Variants in VWA8 observed in about 807,000 individuals in gnomAD.
VWA8 encodes the protein von Willebrand factor A domain-containing protein 8.
A neutral mutation model predicts 241.5 loss-of-function variants in VWA8; 221 were observed. The observed-to-expected ratio is 0.91, with a 90% CI of 0.82 to 1.02. VWA8 has a LOEUF of 1.02. Ranked by LOEUF, VWA8 falls within the 50% of genes least tolerant of loss-of-function variation. The probability of loss-of-function intolerance (pLI) is 0.00; values close to 1 mark genes in which losing one functional copy is unlikely to be tolerated. For synonymous variants in VWA8, 852 were observed against 827.1 expected (o/e 1.03, Z -0.52); for missense variants, 2,322 against 2,328.7 (o/e 1.00, Z 0.06).
chr13:41,668,239 C>T (rs186217913), intron 37 of VWA8, among the ~76,000 whole-genome samples: 14 of 152,206 alleles, frequency 9.2e-5, no homozygotes, highest in East Asian at 1.9e-4. Context: ...GACCTAAAGG[C>T]GCCTATCTTG....
intron 37 of VWA8, among the ~76,000 whole-genome samples, chr13:41,649,371 G>C (rs540469027): frequency 1.3e-5 from 2 of 151,832 alleles, no homozygotes; most frequent in African/African-American, 4.8e-5. Context: ...TTTAATAATT[G>C]TAAAATGAAC....
chr13:41,730,888 T>A (rs1005543095), intron 22 of VWA8, among the ~76,000 whole-genome samples: 18 of 151,560 alleles, frequency 1.2e-4, no homozygotes, highest in Non-Finnish European at 2.1e-4. Flanking sequence ...AAGAAATTTC[T>A]TTTTTAAGAT....
chr13:41,628,754 G>GTAC (rs1421191480), intron 37 of VWA8, among the ~76,000 whole-genome samples: 4 of 152,094 alleles, frequency 2.6e-5, no homozygotes, highest in South Asian at 2.1e-4. Context: ...TAAAAAAGGG[G>GTAC]ACAACAGGCC....
chr13:41,600,205 C>T (rs73181185), intron 40 of VWA8, among the ~76,000 whole-genome samples: 17,810 of 152,098 alleles, frequency 0.12, 1,386 homozygotes, highest in South Asian at 0.24. Context: ...ATTAATTTCT[C>T]CTGACGTGGG....
intron 37 of VWA8, 57 bp from the exon 38 acceptor site, chr13:41,615,141 A>T: frequency 6.4e-7 from 1 of 1,562,656 alleles, no homozygotes; most frequent in Non-Finnish European, 8.8e-7. Flanking sequence ...CAGGGACTGC[A>T]TGACAGAAAA....
At chr13:41,736,669 C>A (rs1034941066) in intron 21 of VWA8, among the ~76,000 whole-genome samples, 11 of 151,790 alleles carry the variant, frequency 7.2e-5, no homozygotes, top group African/African-American at 2.7e-4. Context: ...AGAAAGAAGA[C>A]ACATAAGAGT....
intron 2 of VWA8, among the ~76,000 whole-genome samples, chr13:41,924,466 AAAAGAAAAAAG>A (rs1318293528): frequency 1.3e-5 from 2 of 151,862 alleles, no homozygotes; most frequent in Non-Finnish European, 2.9e-5. Context: ...GGAAGAAAGG[AAAAGAAAAAAG>A]AAAGAAAAAG....
intron 10 of VWA8, 29 bp from the exon 11 acceptor site, chr13:41,866,065 T>G (rs1566486618): frequency 1.2e-6 from 2 of 1,606,572 alleles, no homozygotes; most frequent in Non-Finnish European, 8.5e-7. Context: ...CAATATAACA[T>G]GGCCAGATGT....
intron 12 of VWA8, among the ~76,000 whole-genome samples, chr13:41,856,921 A>G (rs1232781930): frequency 2.6e-5 from 4 of 151,458 alleles, no homozygotes; most frequent in Admixed American, 2.0e-4. Context: ...TGTCTAAATC[A>G]TATATTTGTT....
At chr13:41,803,239 A>C (rs1186110949) in intron 17 of VWA8, among the ~76,000 whole-genome samples, 1 of 152,222 alleles carries the variant, frequency 6.6e-6, no homozygotes, top group Non-Finnish European at 1.5e-5. Context: ...GACTACAATA[A>C]ATACTCAACT....
rs1342573618 is a variant in VWA8, at chr13:41,734,177, A to C, written c.2427-2022T>G. On this transcript the variant is annotated intron_variant, in intron 21 of 44. Transcript: ENST00000379310. ...ACGTGGTGAAACTCCAGCTCTACTA[A>C]AAATACAAAAATTAGCCAGGAGTGG... Among the ~76,000 whole-genome samples, 7 of 152,238 alleles carry C rather than the reference A, an allele frequency of 4.6e-5. No homozygotes were observed. In the East Asian group the frequency reaches 1.4e-3, roughly 29 times the overall value.
Position 41,719,638 on chromosome 13 carries a change from G to A in VWA8, c.3069C>T (p.Tyr1023=), listed in dbSNP as rs757024631. 14 of 1,612,970 alleles carry A rather than the reference G, an allele frequency of 8.7e-6. No individual in the cohort carries two copies. The highest frequency in any genetic ancestry group is 2.2e-5 in the South Asian group (2 of 91,048). Residue 1023 remains tyrosine (Y), a synonymous_variant, in exon 26 of 45, where the codon TAC becomes TAT. Transcript: ENST00000379310. ...TAGGCTTTGCTCCGATAGGTATCCC[G>A]TATTTGTGTAAAGTGTTAATCAATA... ...REILINTLHK[Y]GIPIGAKPTS...
At chr13:41,644,259 T>C (rs1381947653) in intron 37 of VWA8, among the ~76,000 whole-genome samples, 1 of 151,602 alleles carries the variant, frequency 6.6e-6, no homozygotes, top group Admixed American at 6.6e-5. Context: ...GACCTAGGCA[T>C]CTTGTACCAC....
At chr13:41,944,987 T>C (rs1233184049) in intron 2 of VWA8, among the ~76,000 whole-genome samples, 1 of 152,196 alleles carries the variant, frequency 6.6e-6, no homozygotes, top group Non-Finnish European at 1.5e-5. Context: ...CCTAAGAATC[T>C]GGAAGGCCAT....
At chr13:41,600,368 C>T (rs1020913263) in intron 40 of VWA8, among the ~76,000 whole-genome samples, 1 of 152,090 alleles carries the variant, frequency 6.6e-6, no homozygotes, top group Non-Finnish European at 1.5e-5. Flanking sequence ...TGGACACTGA[C>T]ACCATGTCTT....
chr13:41,724,475 T>C (rs78701185), intron 24 of VWA8, among the ~76,000 whole-genome samples: 24,731 of 152,072 alleles, frequency 0.16, 2,145 homozygotes, highest in Non-Finnish European at 0.2. Context: ...GCAGAACAGC[T>C]AGAGCAGCAA....
At chr13:41,769,030 G>A (rs904702353) in intron 20 of VWA8, among the ~76,000 whole-genome samples, 35 of 151,800 alleles carry the variant, frequency 2.3e-4, no homozygotes, top group African/African-American at 8.2e-4. Flanking sequence ...AGCCTCCTGA[G>A]TAGCTGGGAC....
chr13:41,726,658 G>A (rs1401561058), intron 24 of VWA8, among the ~76,000 whole-genome samples: 1 of 152,122 alleles, frequency 6.6e-6, no homozygotes, highest in Admixed American at 6.6e-5. Flanking sequence ...ACTTAGATAT[G>A]AAGCCCAAGT....
At chr13:41,689,134 A>C (rs1171396489) in intron 34 of VWA8, among the ~76,000 whole-genome samples, 1 of 152,076 alleles carries the variant, frequency 6.6e-6, no homozygotes, top group East Asian at 1.9e-4. Flanking sequence ...CCCCCTACTA[A>C]ATTCTATCAT....
Sources: allele counts gnomAD v4.1 joint callset (sites outside exome capture counted in the v4.1 genomes callset), GRCh38; gene constraint gnomAD v4.1.1; transcripts MANE v1.5; gene names NCBI Gene and HGNC (gene_info 2026-07-23, HGNC 2026-07-21).